Variants in TRPM3 observed in about 807,000 individuals in gnomAD.
The protein encoded by TRPM3 is long transient receptor potential channel 3.
TRPM3 carries 77 observed loss-of-function variants against 181.2 expected under a neutral mutation model. The ratio of observed to expected loss-of-function variants is 0.42; its 90% CI spans 0.35 to 0.51. The LOEUF (loss-of-function observed/expected upper bound fraction) is 0.51. Ranked by LOEUF, TRPM3 falls within the 20% of genes least tolerant of loss-of-function variation. TRPM3 has a pLI of 0.01. For missense variants in TRPM3, 1,759 were observed against 2,196.7 expected (o/e 0.80, Z 3.98); for synonymous variants, 745 against 796.4 (o/e 0.94, Z 1.09).
chr9:70,988,419 G>A (rs1041121218), intron 1 of TRPM3, among the ~76,000 whole-genome samples: 2 of 152,142 alleles, frequency 1.3e-5, no homozygotes, highest in African/African-American at 4.8e-5. Context: ...TAATCATTGT[G>A]AAGTTTCTAA....
intron 1 of TRPM3, among the ~76,000 whole-genome samples, chr9:71,151,558 T>TA (rs571960939): frequency 1.5e-4 from 23 of 151,994 alleles, no homozygotes; most frequent in Non-Finnish European, 2.5e-4. Context: ...CCATCTTTAT[T>TA]AAAAAAAACA....
At chr9:70,907,270 C>T (rs1046417856) in intron 1 of TRPM3, among the ~76,000 whole-genome samples, 3 of 152,232 alleles carry the variant, frequency 2.0e-5, no homozygotes, top group Middle Eastern at 6.8e-3. Context: ...TGCATGTTCC[C>T]AGCTGAGGCA....
At chr9:71,101,922 T>C (rs2068461237) in intron 1 of TRPM3, among the ~76,000 whole-genome samples, 2 of 152,306 alleles carry the variant, frequency 1.3e-5, no homozygotes, top group Non-Finnish European at 1.5e-5. Context: ...GCTTTGTCTC[T>C]GGGCCATTCA....
intron 1 of TRPM3, among the ~76,000 whole-genome samples, chr9:70,951,090 G>T (rs976197336): frequency 2.0e-5 from 3 of 152,046 alleles, no homozygotes; most frequent in African/African-American, 7.2e-5. Flanking sequence ...TATAGTGACA[G>T]AATTCTATTA....
At chr9:70,805,577 C>A (rs7873697) in intron 6 of TRPM3, among the ~76,000 whole-genome samples, 46,770 of 138,518 alleles carry the variant, frequency 0.34, 9,014 homozygotes, top group African/African-American at 0.55. Flanking sequence ...GACTTTACCA[C>A]AAACCAGGTG....
At chr9:70,805,305 G>C (rs1013470851) in intron 6 of TRPM3, among the ~76,000 whole-genome samples, 8 of 151,852 alleles carry the variant, frequency 5.3e-5, no homozygotes, top group Non-Finnish European at 8.8e-5. Context: ...GGTTAAGATT[G>C]ACTTTACCTC....
At chr9:70,657,127 A>T (rs2060464170) in intron 9 of TRPM3, among the ~76,000 whole-genome samples, 1 of 151,526 alleles carries the variant, frequency 6.6e-6, no homozygotes, top group South Asian at 2.1e-4. Context: ...AACCCAAAAA[A>T]CTTTTATATG....
chr9:71,215,909 C>A (rs1225915541), intron 1 of TRPM3, among the ~76,000 whole-genome samples: 1 of 152,166 alleles, frequency 6.6e-6, no homozygotes, highest in Non-Finnish European at 1.5e-5. Flanking sequence ...TACTTACAAT[C>A]CATGGCAATG....
intron 8 of TRPM3, among the ~76,000 whole-genome samples, chr9:70,693,633 T>G (rs565360786): frequency 5.9e-5 from 9 of 152,216 alleles, no homozygotes; most frequent in Non-Finnish European, 1.3e-4. Context: ...GAAGGTATCA[T>G]AAAGTGCTAT....
At chr9:71,145,868 A>T (rs1176260946) in intron 1 of TRPM3, among the ~76,000 whole-genome samples, 1 of 152,034 alleles carries the variant, frequency 6.6e-6, no homozygotes, top group African/African-American at 2.4e-5. Context: ...AAACATTAAA[A>T]TTCCCCCCTC....
intron 1 of TRPM3, among the ~76,000 whole-genome samples, chr9:71,310,979 A>G (rs960921195): frequency 1.3e-5 from 2 of 152,122 alleles, no homozygotes; most frequent in East Asian, 3.8e-4. Context: ...CTGTTCCTTA[A>G]CTTTCAGTCT....
intron 1 of TRPM3, among the ~76,000 whole-genome samples, chr9:71,425,541 G>A (rs934828836): frequency 3.9e-5 from 6 of 152,178 alleles, no homozygotes; most frequent in African/African-American, 9.6e-5. Flanking sequence ...TAGAAGATCA[G>A]TCCATTTCTT....
chr9:70,876,422 T>C (rs1341138992), intron 1 of TRPM3, among the ~76,000 whole-genome samples: 1 of 151,384 alleles, frequency 6.6e-6, no homozygotes, highest in Non-Finnish European at 1.5e-5. Flanking sequence ...CTATACATTA[T>C]ATGTACCCCA....
chr9:70,949,267 A>G (rs1165719689), intron 1 of TRPM3, among the ~76,000 whole-genome samples: 1 of 152,096 alleles, frequency 6.6e-6, no homozygotes, highest in Admixed American at 6.6e-5. Context: ...TATGTTGCCC[A>G]GGCTGTTCTC....
chr9:70,567,874 G>A (rs2051055615), intron 22 of TRPM3, among the ~76,000 whole-genome samples: 2 of 152,032 alleles, frequency 1.3e-5, no homozygotes, highest in African/African-American at 4.8e-5. Flanking sequence ...AGTAAAAAGG[G>A]GACAGTTAAT....
At chr9:70,807,514 T>C (rs1330862310) in intron 6 of TRPM3, among the ~76,000 whole-genome samples, 2 of 152,206 alleles carry the variant, frequency 1.3e-5, no homozygotes, top group Non-Finnish European at 2.9e-5. Context: ...TCGCTTCTAT[T>C]ACATCTTTGT....
intron 1 of TRPM3, among the ~76,000 whole-genome samples, chr9:71,237,639 T>TA (rs1296137190): frequency 6.6e-6 from 1 of 152,200 alleles, no homozygotes; most frequent in East Asian, 1.9e-4. Flanking sequence ...AAAACACTTC[T>TA]AAAAAGTGCT....
intron 5 of TRPM3, among the ~76,000 whole-genome samples, chr9:70,834,940 T>A (rs550511167): frequency 1.3e-5 from 2 of 152,294 alleles, no homozygotes; most frequent in Admixed American, 6.5e-5. Context: ...ATCCCCAATG[T>A]TAGAGGTGAG....
At chr9:71,025,763 A>C (rs188073630) in intron 1 of TRPM3, among the ~76,000 whole-genome samples, 1 of 152,202 alleles carries the variant, frequency 6.6e-6, no homozygotes, top group Non-Finnish European at 1.5e-5. Flanking sequence ...TGTTCCTAAG[A>C]GCCTGCTCCA....
Sources: gnomAD v4.1 joint callset for allele counts (sites outside exome capture counted in the v4.1 genomes callset) on GRCh38, gnomAD v4.1.1 for gene constraint, MANE v1.5 for transcripts, NCBI Gene and HGNC (gene_info 2026-07-23, HGNC 2026-07-21) for gene names.